The following FAF1 variants were observed in gnomAD, a reference collection of about 807,000 sequenced individuals.
The protein encoded by FAF1 is FAS-associated factor 1.
In FAF1, 25 loss-of-function variants were observed where a neutral mutation model predicts 92.5. That is an observed-to-expected ratio of 0.27 (90% confidence interval 0.20 to 0.38). The LOEUF (loss-of-function observed/expected upper bound fraction) is 0.38. FAF1 is among the 10% of genes least tolerant of loss of function. The probability of loss-of-function intolerance (pLI) is 1.00; values close to 1 mark genes in which losing one functional copy is unlikely to be tolerated. For missense variants in FAF1, 636 were observed against 793.3 expected, an observed-to-expected ratio of 0.80 and a Z score of 2.38; for synonymous variants, 234 against 273.2, an observed-to-expected ratio of 0.86 and a Z score of 1.42.
At chr1:50,847,268 TA>T (rs568318517) in intron 2 of FAF1, among the ~76,000 whole-genome samples, 1,991 of 150,302 alleles carry the variant, frequency 0.013, 35 homozygotes, top group African/African-American at 0.044. Context: ...TTTTAGAAAT[TA>T]AAAAAAAACA....
chr1:50,591,398 T>A (rs935652209), intron 9 of FAF1, among the ~76,000 whole-genome samples: 1 of 152,114 alleles, frequency 6.6e-6, no homozygotes, highest in African/African-American at 2.4e-5. Flanking sequence ...GCTGGCCAGG[T>A]GCAGTGGCTC....
At chr1:50,905,363 A>AAAGCAT (rs1644828279) in intron 1 of FAF1, among the ~76,000 whole-genome samples, 1 of 152,226 alleles carries the variant, frequency 6.6e-6, no homozygotes, top group African/African-American at 2.4e-5. Flanking sequence ...ATGTGTCTTT[A>AAAGCAT]AAGCATCATG....
At chr1:50,825,371 G>GT (rs1182452427) in intron 2 of FAF1, among the ~76,000 whole-genome samples, 1 of 151,852 alleles carries the variant, frequency 6.6e-6, no homozygotes, top group African/African-American at 2.4e-5. Context: ...CAAAAGTTTT[G>GT]TATCTACTAA....
chr1:50,598,111 T>C (rs1651915732), intron 8 of FAF1, among the ~76,000 whole-genome samples: 2 of 152,164 alleles, frequency 1.3e-5, no homozygotes, highest in Middle Eastern at 3.4e-3. Flanking sequence ...TTGGGCAACA[T>C]AGTGAGATCT....
At chr1:50,464,199 G>A (rs1646466693) in intron 18 of FAF1, among the ~76,000 whole-genome samples, 1 of 152,108 alleles carries the variant, frequency 6.6e-6, no homozygotes, top group Non-Finnish European at 1.5e-5. Context: ...AGATGGGGGT[G>A]TCTCTCTATG....
chr1:50,725,581 G>A (rs560808740), intron 6 of FAF1, among the ~76,000 whole-genome samples: 1 of 152,100 alleles, frequency 6.6e-6, no homozygotes, highest in South Asian at 2.1e-4. Context: ...TCAGCTATAC[G>A]AGTAGCTGGG....
At chr1:50,543,724 A>C (rs1224437645) in intron 13 of FAF1, among the ~76,000 whole-genome samples, 1 of 151,964 alleles carries the variant, frequency 6.6e-6, no homozygotes, top group Non-Finnish European at 1.5e-5. Context: ...ATACATTAGC[A>C]AAGATTTGTT....
chr1:50,484,996 C>T (rs1431490281), intron 17 of FAF1, among the ~76,000 whole-genome samples: 1 of 150,706 alleles, frequency 6.6e-6, no homozygotes, highest in Non-Finnish European at 1.5e-5. Flanking sequence ...AGGAGATATA[C>T]CTAATGTAAA....
chr1:50,512,932 CA>C (rs1485557459), intron 15 of FAF1, among the ~76,000 whole-genome samples: 2 of 152,040 alleles, frequency 1.3e-5, no homozygotes, highest in Non-Finnish European at 2.9e-5. Flanking sequence ...TGTTGGTGTC[CA>C]TAAGTGCTTA....
intron 8 of FAF1, among the ~76,000 whole-genome samples, chr1:50,609,448 G>C (rs1403866443): frequency 2.0e-5 from 3 of 152,096 alleles, no homozygotes; most frequent in Non-Finnish European, 2.9e-5. Context: ...GCAGTGGCTT[G>C]ATCACAGCTC....
intron 7 of FAF1, among the ~76,000 whole-genome samples, chr1:50,681,811 T>C (rs1656437631): frequency 6.6e-6 from 1 of 151,032 alleles, no homozygotes; most frequent in Non-Finnish European, 1.5e-5. Context: ...GAGCCACTGT[T>C]CCCGGCCTCT....
At chr1:50,446,479 A>C (rs1646228446) in intron 18 of FAF1, among the ~76,000 whole-genome samples, 1 of 152,156 alleles carries the variant, frequency 6.6e-6, no homozygotes, top group African/African-American at 2.4e-5. Flanking sequence ...AATGTTCCAA[A>C]CTCTTAAAAA....
intron 13 of FAF1, among the ~76,000 whole-genome samples, chr1:50,562,011 G>A (rs1007294744): frequency 2.0e-5 from 3 of 152,226 alleles, no homozygotes; most frequent in Admixed American, 2.0e-4. Flanking sequence ...AGTTAGTACA[G>A]ATATATTATG....
At chr1:50,464,081 G>A (rs1179372921) in intron 18 of FAF1, among the ~76,000 whole-genome samples, 3 of 152,178 alleles carry the variant, frequency 2.0e-5, no homozygotes, top group African/African-American at 7.2e-5. Context: ...CCCAGCACAA[G>A]GTCTACACAT....
intron 8 of FAF1, among the ~76,000 whole-genome samples, chr1:50,640,187 T>C (rs1351316757): frequency 6.6e-6 from 1 of 152,068 alleles, no homozygotes; most frequent in Admixed American, 6.6e-5. Context: ...AGCAGCCTCA[T>C]AAAATGAGTT....
chr1:50,923,796 C>T (rs1463112126), intron 1 of FAF1, among the ~76,000 whole-genome samples: 2 of 152,106 alleles, frequency 1.3e-5, no homozygotes, highest in East Asian at 1.9e-4. Flanking sequence ...AAATACAGTA[C>T]ATCAAAATAA....
At chr1:50,496,016 C>T (rs1646894010) in intron 15 of FAF1, among the ~76,000 whole-genome samples, 1 of 151,608 alleles carries the variant, frequency 6.6e-6, no homozygotes, top group Non-Finnish European at 1.5e-5. Context: ...TTATGAGTTG[C>T]CAAATGGTTC....
At chr1:50,722,122 G>A (rs2124455985) in intron 6 of FAF1, among the ~76,000 whole-genome samples, 1 of 152,216 alleles carries the variant, frequency 6.6e-6, no homozygotes, top group East Asian at 1.9e-4. Flanking sequence ...TCCCCCACTG[G>A]CAATTGCTCA....
intron 7 of FAF1, among the ~76,000 whole-genome samples, chr1:50,673,212 C>T (rs1208031398): frequency 2.0e-5 from 3 of 151,354 alleles, no homozygotes; most frequent in South Asian, 2.1e-4. Context: ...GAGCCAAGAT[C>T]GTGCCACTGC....
Sources: allele counts gnomAD v4.1 joint callset (sites outside exome capture counted in the v4.1 genomes callset), GRCh38; gene constraint gnomAD v4.1.1; transcripts MANE v1.5; gene names NCBI Gene and HGNC (gene_info 2026-07-23, HGNC 2026-07-21).